RNASE4: variants seen among roughly 807,000 people sequenced by gnomAD.
RNASE4 encodes the protein ribonuclease A family member 4.
For missense variants in RNASE4, 194 were observed against 192.8 expected (o/e 1.01, Z -0.04); for synonymous variants, 93 against 71.4 (o/e 1.30, Z -1.52).
At chr14:20,689,686 GTAGC>G (rs1886608178) in intron 1 of RNASE4, among the ~76,000 whole-genome samples, 2 of 152,182 alleles carry the variant, frequency 1.3e-5, no homozygotes, top group African/African-American at 2.4e-5. Flanking sequence ...GGAAGCCGAG[GTAGC>G]CGGATCAACT....
chr14:20,691,665 G>C (rs560964694), intron 1 of RNASE4, among the ~76,000 whole-genome samples: 1 of 152,156 alleles, frequency 6.6e-6, no homozygotes, highest in Non-Finnish European at 1.5e-5. Context: ...ATGTCGGTGC[G>C]GACAAATTTG....
rs121909543 is a variant in RNASE4, at chr14:20,693,971, C to T, written c.-17-5384C>T. The T allele has an allele frequency of 1.7e-5, 27 of 1,613,982 alleles. No individual in the cohort carries two copies. Among genetic ancestry groups the T allele is most frequent in the Admixed American group, 8.3e-5 (5 of 59,990 alleles). ...GTTGTTGCTTGTGAAAATGGCTTAC[C>T]TGTCCACTTGGATCAGTCAATTTTC... On this transcript the variant is annotated intron_variant, in intron 1 of 1. Coordinates refer to ENST00000555835, the MANE Select transcript of RNASE4 (RefSeq NM_002937.5).
At chr14:20,693,491 G>C (rs1886912666) in intron 1 of RNASE4, 2 of 1,599,740 alleles carry the variant, frequency 1.3e-6, no homozygotes, top group Admixed American at 3.3e-5. Flanking sequence ...TGTCCTTTTG[G>C]CCTAATTTGG....
chr14:20,693,465 C>T (rs568152175), intron 1 of RNASE4: 1 of 1,562,272 alleles, frequency 6.4e-7, no homozygotes, highest in Admixed American at 1.7e-5. Flanking sequence ...GATGCCGTGT[C>T]AGAGAGCAAA....
chr14:20,698,646 A>G lies in RNASE4; in HGVS notation c.-17-709A>G, dbSNP rs1594214239. On this transcript the variant is annotated intron_variant, in intron 1 of 1. Coordinates refer to ENST00000555835, the MANE Select transcript of RNASE4 (RefSeq NM_002937.5). ...AAAAAATAGAATTAAAAGGATTTCCAAAAGGACCTGATTTTACATTAGAAT... is the reference window on the plus strand; with the variant it reads ...AAAAAATAGAATTAAAAGGATTTCCGAAAGGACCTGATTTTACATTAGAAT... 2.0e-5 allele frequency among the ~76,000 whole-genome samples: 3 copies of G among 152,306 alleles called. No homozygotes were observed. The South Asian group carries it at 6.2e-4, about 32-fold the overall frequency.
intron 1 of RNASE4, among the ~76,000 whole-genome samples, chr14:20,692,928 A>G (rs775834313): frequency 3.3e-5 from 5 of 152,040 alleles, no homozygotes; most frequent in African/African-American, 1.2e-4. Context: ...GCTCACTGCA[A>G]GCTCCGCCTC....
At chr14:20,697,235 T>C (rs1440383802) in intron 1 of RNASE4, among the ~76,000 whole-genome samples, 1 of 152,210 alleles carries the variant, frequency 6.6e-6, no homozygotes, top group Non-Finnish European at 1.5e-5. Context: ...TCACAAAGAA[T>C]CAGGATGAGA....
chr14:20,694,500 G>A (rs550119689), intron 1 of RNASE4, among the ~76,000 whole-genome samples: 7 of 152,030 alleles, frequency 4.6e-5, no homozygotes, highest in East Asian at 3.9e-4. Flanking sequence ...GGGTTTCACC[G>A]TTTTGGCCAG....
In RNASE4 at chr14:20,699,698, C is replaced by A; in HGVS notation, c.327C>A (p.Cys109Ter). The change falls in exon 2 of 2, where the codon TGC becomes TGA. Residue 109 changes from cysteine to a stop codon, truncating the protein, a stop_gained. Coordinates refer to ENST00000555835, the MANE Select transcript of RNASE4 (RefSeq NM_002937.5). LOFTEE classifies it low-confidence loss of function (END_TRUNC). ...CHEGVVKVTD[C>*]RDTGSSRAPN... ...AGGGTGTAGTGAAGGTCACAGATTG[C>A]AGGGACACAGGAAGTTCCAGGGCAC... is the stretch of plus-strand genomic sequence containing the variant. 1 of 1,609,790 alleles carries A rather than the reference C, an allele frequency of 6.2e-7. No individual in the cohort carries two copies. Among genetic ancestry groups the A allele is most frequent in the Non-Finnish European group, 8.5e-7 (1 of 1,180,004 alleles).
chr14:20,687,164 A>T (rs1309427484), intron 1 of RNASE4, among the ~76,000 whole-genome samples: 1 of 152,282 alleles, frequency 6.6e-6, no homozygotes, highest in African/African-American at 2.4e-5. Context: ...GTTGTATTTT[A>T]AACACAAATG....
chr14:20,693,950 T>TTGC (rs1264159002), intron 1 of RNASE4: 1 of 1,614,114 alleles, frequency 6.2e-7, no homozygotes, highest in Admixed American at 1.7e-5. Flanking sequence ...AACGTTGTTG[T>TTGC]TGCTTGTGAA....
At chr14:20,690,642 G>C (rs1229954951) in intron 1 of RNASE4, among the ~76,000 whole-genome samples, 2 of 152,106 alleles carry the variant, frequency 1.3e-5, no homozygotes, top group Non-Finnish European at 2.9e-5. Flanking sequence ...AGGGTCACTG[G>C]ACCTTTGCTA....
In RNASE4 at chr14:20,693,670, C is replaced by G. The variant is rs1334329108; in HGVS notation, c.-17-5685C>G. ...CTCCAGGTACACACACTTCCTGACC[C>G]AGCACTATGATGCCAAACCACAGGG... On this transcript the variant is annotated intron_variant, in intron 1 of 1. Coordinates refer to ENST00000555835, the MANE Select transcript of RNASE4 (RefSeq NM_002937.5). 7 of 1,614,140 alleles carry G rather than the reference C, an allele frequency of 4.3e-6. No homozygotes were observed. In the Middle Eastern group the frequency reaches 6.6e-4, roughly 152 times the overall value.
In RNASE4 at chr14:20,699,723, C is replaced by T; in HGVS notation, c.352C>T (p.Pro118Ser). Residue 118 changes from proline (P) to serine (S), a missense_variant, in exon 2 of 2, where the codon CCC (proline) becomes TCC (serine). Coordinates refer to ENST00000555835, the MANE Select transcript of RNASE4 (RefSeq NM_002937.5). ...DCRDTGSSRAPNCRYRAIAST... is the reference protein window; with the variant it reads ...DCRDTGSSRASNCRYRAIAST... ...CAGGGACACAGGAAGTTCCAGGGCA[C>T]CCAACTGCAGATATCGGGCCATAGC... 6.2e-7 allele frequency: 1 copy of T among 1,610,474 alleles called. No homozygotes were observed. The highest frequency in any genetic ancestry group is 8.5e-7 in the Non-Finnish European group (1 of 1,180,012).
At chr14:20,690,738 T>C (rs1886701786) in intron 1 of RNASE4, among the ~76,000 whole-genome samples, 1 of 152,202 alleles carries the variant, frequency 6.6e-6, no homozygotes, top group South Asian at 2.1e-4. Context: ...ATTTTCTTGA[T>C]GAACAAACCT....
At chr14:20,697,916 G>A (rs1016663321) in intron 1 of RNASE4, among the ~76,000 whole-genome samples, 8 of 152,168 alleles carry the variant, frequency 5.3e-5, no homozygotes, top group Admixed American at 2.0e-4. Flanking sequence ...CAGGAGTGAC[G>A]GCCAGATGGC....
intron 1 of RNASE4, among the ~76,000 whole-genome samples, chr14:20,692,874 G>A (rs1450189761): frequency 6.6e-6 from 1 of 152,064 alleles, no homozygotes; most frequent in East Asian, 1.9e-4. Context: ...CCGAGACGGA[G>A]TCTCGCTCTG....
chr14:20,691,172 C>T (rs1886722678), intron 1 of RNASE4, among the ~76,000 whole-genome samples: 1 of 152,188 alleles, frequency 6.6e-6, no homozygotes, highest in African/African-American at 2.4e-5. Context: ...TACGGTATTT[C>T]CTAGAGAAGA....
At chr14:20,685,142 G>C (rs1363286614) in intron 1 of RNASE4, among the ~76,000 whole-genome samples, 1 of 152,148 alleles carries the variant, frequency 6.6e-6, no homozygotes, top group African/African-American at 2.4e-5. Flanking sequence ...TTTTTTGCAA[G>C]CGTAACTAAC....
Sources: gnomAD v4.1 joint callset for allele counts (sites outside exome capture counted in the v4.1 genomes callset) on GRCh38, gnomAD v4.1.1 for gene constraint, MANE v1.5 for transcripts, NCBI Gene and HGNC (gene_info 2026-07-23, HGNC 2026-07-21) for gene names.